Variants in CATSPERE observed in about 807,000 individuals in gnomAD.
CATSPERE encodes catsper channel auxiliary subunit epsilon, also known as cation channel sperm-associated auxiliary subunit epsilon.
Under a neutral mutation model 114.1 loss-of-function variants are expected in CATSPERE, and 93 were observed. The observed-to-expected ratio is 0.81, with a 90% confidence interval of 0.69 to 0.97. The LOEUF is 0.97. Among genes scored for constraint, CATSPERE ranks in the 50% least tolerant of loss-of-function variants. The pLI is 0.00. For missense variants in CATSPERE, 1,058 were observed against 1,131.6 expected (o/e 0.93, Z 0.93); for synonymous variants, 341 against 384.1 (o/e 0.89, Z 1.31).
At chr1:244,569,014 C>T (rs1664037556) in intron 10 of CATSPERE, among the ~76,000 whole-genome samples, 2 of 152,200 alleles carry the variant, frequency 1.3e-5, no homozygotes, top group Non-Finnish European at 2.9e-5. Flanking sequence ...CTGAGGGAGT[C>T]TCCTGGTCTG....
intron 20 of CATSPERE, among the ~76,000 whole-genome samples, chr1:244,626,141 T>C (rs1323638790): frequency 1.3e-5 from 2 of 152,142 alleles, no homozygotes; most frequent in African/African-American, 4.8e-5. Flanking sequence ...AAAGTCAGCC[T>C]ATCCTTTGAA....
chr1:244,600,357 C>CAA (rs34923679), intron 17 of CATSPERE, among the ~76,000 whole-genome samples: 12 of 94,014 alleles, frequency 1.3e-4, no homozygotes, highest in African/African-American at 3.7e-4. Flanking sequence ...CTACCTAGTC[C>CAA]AAAAAAAAAA....
chr1:244,532,996 T>C (rs1187121369), intron 8 of CATSPERE, among the ~76,000 whole-genome samples: 2 of 152,152 alleles, frequency 1.3e-5, no homozygotes, highest in African/African-American at 2.4e-5. Flanking sequence ...TCTCTCTCTT[T>C]AGCTCTAATA....
intron 14 of CATSPERE, among the ~76,000 whole-genome samples, chr1:244,588,920 A>G (rs1189388147): frequency 6.6e-6 from 1 of 152,158 alleles, no homozygotes; most frequent in Non-Finnish European, 1.5e-5. Flanking sequence ...TTTCATTTCC[A>G]TCAGAGAACT....
chr1:244,588,193 C>A (rs1479643288), intron 13 of CATSPERE, among the ~76,000 whole-genome samples: 12 of 107,952 alleles, frequency 1.1e-4, no homozygotes, highest in African/African-American at 3.2e-4. Flanking sequence ...GACTTCATCT[C>A]AAAAAAAAAA....
At chr1:244,632,020 A>C (rs189530362) in intron 20 of CATSPERE, among the ~76,000 whole-genome samples, 1 of 152,288 alleles carries the variant, frequency 6.6e-6, no homozygotes, top group African/African-American at 2.4e-5. Context: ...GTGAGCTGTG[A>C]TGGTGCCACT....
At chr1:244,461,585 T>C (rs3124058) in intron 1 of CATSPERE, 91 bp downstream of exon 1, 696,148 of 1,090,276 alleles carry the variant, frequency 0.64, 222,225 homozygotes, top group African/African-American at 0.69. Flanking sequence ...CCCATGCGCC[T>C]CGGGACCGCT....
At chr1:244,581,636 A>C (rs1296462597) in intron 11 of CATSPERE, among the ~76,000 whole-genome samples, 160 bp from the exon 12 acceptor site, 1 of 152,202 alleles carries the variant, frequency 6.6e-6, no homozygotes, top group Non-Finnish European at 1.5e-5. Context: ...CTGTCTATCC[A>C]CCAGTCAATC....
intron 5 of CATSPERE, among the ~76,000 whole-genome samples, chr1:244,487,459 C>T (rs1238308874): frequency 3.9e-5 from 6 of 152,154 alleles, no homozygotes; most frequent in Admixed American, 3.9e-4. Context: ...AGCCTCTACA[C>T]TGGGCCATGC....
chr1:244,465,050 T>A (rs1667403350), intron 2 of CATSPERE, among the ~76,000 whole-genome samples: 1 of 151,812 alleles, frequency 6.6e-6, no homozygotes, highest in African/African-American at 2.4e-5. Flanking sequence ...TTTTTTTTTT[T>A]TTGGAGACAG....
At chr1:244,452,817 C>G (rs894332370), upstream of CATSPERE, among the ~76,000 whole-genome samples, 2 of 152,328 alleles carry the variant, frequency 1.3e-5, no homozygotes, top group East Asian at 1.9e-4. Flanking sequence ...TCCACTGTCT[C>G]TCAGTTACAT....
chr1:244,567,251 C>G (rs1174763161), intron 10 of CATSPERE, among the ~76,000 whole-genome samples: 1 of 152,166 alleles, frequency 6.6e-6, no homozygotes, highest in Non-Finnish European at 1.5e-5. Flanking sequence ...GTGGGTAACC[C>G]AACCTTTCTC....
At chr1:244,602,969 C>T (rs1669477733) in intron 17 of CATSPERE, among the ~76,000 whole-genome samples, 1 of 152,042 alleles carries the variant, frequency 6.6e-6, no homozygotes, top group South Asian at 2.1e-4. Flanking sequence ...GAAATGTGGG[C>T]AGAGCCTTAT....
At chr1:244,502,377 G>A (rs1001775227) in intron 7 of CATSPERE, among the ~76,000 whole-genome samples, 1 of 151,978 alleles carries the variant, frequency 6.6e-6, no homozygotes, top group African/African-American at 2.4e-5. Flanking sequence ...CTATAAAGTT[G>A]AGTTTTTGTT....
chr1:244,572,748 C>CT lies in CATSPERE; in HGVS notation c.1929dup (p.Gly644TrpfsTer18). 1 of 1,597,278 alleles carries CT rather than the reference C, an allele frequency of 6.3e-7. No individual in the cohort carries two copies. Among genetic ancestry groups the CT allele is most frequent in the Non-Finnish European group, 8.5e-7 (1 of 1,173,394 alleles). On this transcript the variant is annotated frameshift_variant, in exon 11 of 22. Coordinates refer to ENST00000366534, the MANE Select transcript of CATSPERE (RefSeq NM_001130957.2). LOFTEE classifies it high-confidence loss of function. ...GTCATGAGATTTCCTTTGAAGCTGC[C>CT]TTTGGATACTGCACCAAAACTCTGG... is the stretch of plus-strand genomic sequence containing the variant.
chr1:244,490,314 T>C, intron 5 of CATSPERE, 133 bp from the exon 6 acceptor site: 2 of 554,022 alleles, frequency 3.6e-6, no homozygotes, highest in South Asian at 2.9e-5. Context: ...CATTTAGCCT[T>C]TAATTTTATA....
chr1:244,513,503 C>T (rs536712069), intron 7 of CATSPERE, among the ~76,000 whole-genome samples: 20 of 152,318 alleles, frequency 1.3e-4, no homozygotes, highest in African/African-American at 4.1e-4. Context: ...CATGCATATA[C>T]ACTGGCAGCG....
Position 244,568,839 on chromosome 1 carries a change from A to G in CATSPERE, c.1508-3491A>G, listed in dbSNP as rs1325611041. On this transcript the variant is annotated intron_variant, in intron 10 of 21. Coordinates refer to ENST00000366534, the MANE Select transcript of CATSPERE (RefSeq NM_001130957.2). This position sits in a 1 kb window ranked among gnomAD's most constrained non-coding sequence, Gnocchi z 4.4. ...GCTCCCTGGCTTCAGCCCCCTTTCCAGCGGAGTGAATCGTTCTCTCTCACT... is the reference window on the plus strand; with the variant it reads ...GCTCCCTGGCTTCAGCCCCCTTTCCGGCGGAGTGAATCGTTCTCTCTCACT... Among the ~76,000 whole-genome samples, 1 of 152,112 alleles carries G rather than the reference A, an allele frequency of 6.6e-6. No homozygotes were observed. Among genetic ancestry groups the G allele is most frequent in the Non-Finnish European group, 1.5e-5 (1 of 68,018 alleles).
intron 7 of CATSPERE, among the ~76,000 whole-genome samples, chr1:244,516,029 A>C (rs1572506181): frequency 6.6e-6 from 1 of 151,730 alleles, no homozygotes; most frequent in African/African-American, 2.4e-5. Flanking sequence ...CCCCATCTGT[A>C]CAAAAAATAC....
Sources: gnomAD v4.1 joint callset for allele counts (sites outside exome capture counted in the v4.1 genomes callset) on GRCh38, gnomAD v4.1.1 for gene constraint, Gnocchi (gnomAD v3.1) non-coding constraint, MANE v1.5 for transcripts, NCBI Gene and HGNC (gene_info 2026-07-23, HGNC 2026-07-21) for gene names.